DRC11: variants seen among roughly 807,000 people sequenced by gnomAD.
The protein encoded by DRC11 is dynein regulatory complex subunit 11.
At chr2:236,497,573 T>G in the DRC11 span, 32 of 881,490 alleles carry the variant, frequency 3.6e-5, no homozygotes, top group Non-Finnish European at 1.7e-5. This position sits in a 1 kb window ranked among gnomAD's most constrained non-coding sequence, Gnocchi z 5.1. Flanking sequence ...TATAGCAAAA[T>G]ATAACACAGA....
At chr2:236,356,980 T>C in the DRC11 span, among the ~76,000 whole-genome samples, 1 of 118,162 alleles carries the variant, frequency 8.5e-6, no homozygotes, top group African/African-American at 3.1e-5. Flanking sequence ...TATATATTCA[T>C]ATATTATATA....
chr2:236,364,080 T>G, the DRC11 span: 1 of 978,422 alleles, frequency 1.0e-6, no homozygotes, highest in Non-Finnish European at 1.5e-6. Context: ...GTGACTCCAC[T>G]TTCTGCAACA....
At chr2:236,397,693 G>A in the DRC11 span, among the ~76,000 whole-genome samples, 1 of 152,236 alleles carries the variant, frequency 6.6e-6, no homozygotes, top group African/African-American at 2.4e-5. The surrounding 1 kb of genome is among the most constrained non-coding windows in gnomAD (Gnocchi z 5.0). Flanking sequence ...TAGATGGGAT[G>A]TTGTTGCAGA....
chr2:236,492,584 C>T, the DRC11 span, among the ~76,000 whole-genome samples: 10 of 152,222 alleles, frequency 6.6e-5, no homozygotes, highest in African/African-American at 7.2e-5. Flanking sequence ...TCATAGTGCC[C>T]CTTTCACCCT....
the DRC11 span, among the ~76,000 whole-genome samples, chr2:236,363,262 T>C: frequency 1.4e-4 from 22 of 152,336 alleles, 1 homozygote; most frequent in East Asian, 3.3e-3. This position sits in a 1 kb window ranked among gnomAD's most constrained non-coding sequence, Gnocchi z 5.6. Flanking sequence ...CCAGGGAAGC[T>C]AGGAGCTTAG....
chr2:236,368,619 A>C, the DRC11 span: 1 of 210,160 alleles, frequency 4.8e-6, no homozygotes, highest in Non-Finnish European at 9.6e-6. Context: ...TGCTAAAAAG[A>C]AGGACACACA....
At chr2:236,408,614 C>T in the DRC11 span, 496 of 725,774 alleles carry the variant, frequency 6.8e-4, 2 homozygotes, top group African/African-American at 7.7e-3. The surrounding 1 kb of genome is among the most constrained non-coding windows in gnomAD (Gnocchi z 5.5). Flanking sequence ...AGTGCTTCTT[C>T]ATGCTGCTGA....
chr2:236,443,183 A>G, the DRC11 span, among the ~76,000 whole-genome samples: 1 of 152,206 alleles, frequency 6.6e-6, no homozygotes, highest in Non-Finnish European at 1.5e-5. This position sits in a 1 kb window ranked among gnomAD's most constrained non-coding sequence, Gnocchi z 4.4. Flanking sequence ...CGAAGGAAAA[A>G]TAATAATTTT....
the DRC11 span, among the ~76,000 whole-genome samples, chr2:236,492,522 T>C: frequency 6.6e-6 from 1 of 152,216 alleles, no homozygotes; most frequent in African/African-American, 2.4e-5. Flanking sequence ...AGACTGCAGG[T>C]GCTGGTTTAC....
chr2:236,426,990 A>G, the DRC11 span, among the ~76,000 whole-genome samples: 1 of 152,146 alleles, frequency 6.6e-6, no homozygotes, highest in African/African-American at 2.4e-5. This position sits in a 1 kb window ranked among gnomAD's most constrained non-coding sequence, Gnocchi z 4.1. Context: ...ATTATGAAAG[A>G]GTTTTGAATT....
the DRC11 span, chr2:236,377,233 C>T: frequency 1.7e-6 from 2 of 1,198,092 alleles, no homozygotes; most frequent in Non-Finnish European, 1.2e-6. The surrounding 1 kb of genome is among the most constrained non-coding windows in gnomAD (Gnocchi z 4.9). Context: ...ACACAGAAAT[C>T]GGCGGTATTT....
chr2:236,438,088 A>C, the DRC11 span, among the ~76,000 whole-genome samples: 5 of 140,292 alleles, frequency 3.6e-5, no homozygotes, highest in East Asian at 9.9e-4. Context: ...CTAACGTTTA[A>C]GTCTTTAATC....
At chr2:236,444,713 T>C in the DRC11 span, among the ~76,000 whole-genome samples, 1 of 152,320 alleles carries the variant, frequency 6.6e-6, no homozygotes, top group South Asian at 2.1e-4. Flanking sequence ...TGATTCTCTT[T>C]CTCTACACAG....
At chr2:236,487,756 C>G in the DRC11 span, among the ~76,000 whole-genome samples, 1 of 152,182 alleles carries the variant, frequency 6.6e-6, no homozygotes, top group African/African-American at 2.4e-5. Context: ...TACCAATGGT[C>G]TTTAACAATA....
the DRC11 span, among the ~76,000 whole-genome samples, chr2:236,344,045 T>C: frequency 6.6e-6 from 1 of 151,164 alleles, no homozygotes; most frequent in Non-Finnish European, 1.5e-5. Flanking sequence ...TGTGGGAAAT[T>C]TGCTGGTGAT....
chr2:236,504,913 C>A, the DRC11 span, among the ~76,000 whole-genome samples: 8,300 of 152,278 alleles, frequency 0.055, 773 homozygotes, highest in African/African-American at 0.19. The surrounding 1 kb of genome is among the most constrained non-coding windows in gnomAD (Gnocchi z 5.0). Flanking sequence ...CCCAGTCCTG[C>A]AGAACTGTTA....
chr2:236,415,016 A>AT, the DRC11 span, among the ~76,000 whole-genome samples: 1 of 151,976 alleles, frequency 6.6e-6, no homozygotes, highest in Non-Finnish European at 1.5e-5. The surrounding 1 kb of genome is among the most constrained non-coding windows in gnomAD (Gnocchi z 5.7). Context: ...CTTATAATAG[A>AT]TTTTTTCATA....
chr2:236,493,980 A>T, the DRC11 span: 1 of 1,079,338 alleles, frequency 9.3e-7, no homozygotes, highest in Non-Finnish European at 1.2e-6. Context: ...TGCACATCAA[A>T]GACGCTTGCT....
At chr2:236,320,827 C>CGCCGGTCCCTCT in the DRC11 span, among the ~76,000 whole-genome samples, 1 of 151,614 alleles carries the variant, frequency 6.6e-6, no homozygotes, top group East Asian at 1.9e-4. Context: ...CCGGTCCCTC[C>CGCCGGTCCCTCT]GCCGGTACCC....
Sources: allele counts gnomAD v4.1 joint callset (sites outside exome capture counted in the v4.1 genomes callset), GRCh38; gene constraint gnomAD v4.1.1; non-coding constraint Gnocchi (gnomAD v3.1); transcripts MANE v1.5; gene names NCBI Gene and HGNC (gene_info 2026-07-23, HGNC 2026-07-21).